The following GABBR2 variants were observed in gnomAD, a reference collection of about 807,000 sequenced individuals.
GABBR2 encodes the protein gamma-aminobutyric acid type B receptor subunit 2.
GABBR2 carries 23 observed loss-of-function variants against 105.6 expected under a neutral mutation model. That is an observed-to-expected ratio of 0.22 (90% CI 0.16 to 0.31). The LOEUF is 0.31. GABBR2 is among the 10% of genes least tolerant of loss of function. The probability of loss-of-function intolerance (pLI) is 1.00; values close to 1 mark genes in which losing one functional copy is unlikely to be tolerated. For synonymous variants in GABBR2, 478 were observed against 499.7 expected (o/e 0.96, Z 0.58); for missense variants, 734 against 1,245.5 (o/e 0.59, Z 6.18).
Position 98,388,451 on chromosome 9 carries a change from C to T in GABBR2, c.1529+403G>A, listed in dbSNP as rs546658210. Among the ~76,000 whole-genome samples, 2 of 152,236 alleles carry T rather than the reference C, an allele frequency of 1.3e-5. No individual in the cohort carries two copies. Among genetic ancestry groups the T allele is most frequent in the East Asian group, 3.9e-4 (2 of 5,172 alleles). On this transcript the variant is annotated intron_variant, in intron 10 of 18. Transcript: ENST00000259455. The surrounding 1 kb of genome is among the most constrained non-coding windows in gnomAD (Gnocchi z 4.4). Reference sequence around the variant, plus strand: ...TCCCAGCGATGCTAGGGGATAGGGGCAAAGAAGTTTGGGGTATTCTGTCTT... The same window carrying T: ...TCCCAGCGATGCTAGGGGATAGGGGTAAAGAAGTTTGGGGTATTCTGTCTT...
At chr9:98,409,754 C>T (rs531666484) in intron 7 of GABBR2, among the ~76,000 whole-genome samples, 63 of 152,308 alleles carry the variant, frequency 4.1e-4, no homozygotes, top group Admixed American at 3.5e-3. Flanking sequence ...CATGGAATCC[C>T]GAGGTCCCCT....
chr9:98,679,745 C>A (rs1830517821), intron 1 of GABBR2, among the ~76,000 whole-genome samples: 1 of 152,204 alleles, frequency 6.6e-6, no homozygotes, highest in Non-Finnish European at 1.5e-5. Context: ...TCAGAAGACC[C>A]TCATGGAGAG....
At chr9:98,471,699 C>G (rs769468058) in intron 6 of GABBR2, among the ~76,000 whole-genome samples, 1 of 152,180 alleles carries the variant, frequency 6.6e-6, no homozygotes, top group South Asian at 2.1e-4. Flanking sequence ...CATTTAGTTA[C>G]TGTACCATCT....
chr9:98,570,555 GCT>G (rs1183872580), intron 2 of GABBR2, among the ~76,000 whole-genome samples: 1 of 152,138 alleles, frequency 6.6e-6, no homozygotes, highest in East Asian at 1.9e-4. Context: ...CCTTTCCCAT[GCT>G]CTGTCTCCAT....
At chr9:98,610,390 C>T (rs898240334) in intron 1 of GABBR2, among the ~76,000 whole-genome samples, 4 of 152,202 alleles carry the variant, frequency 2.6e-5, no homozygotes, top group African/African-American at 9.6e-5. Flanking sequence ...CTTAGCACTG[C>T]GCTGGCTGAA....
intron 3 of GABBR2, among the ~76,000 whole-genome samples, chr9:98,503,456 G>T (rs1478262307): frequency 6.6e-6 from 1 of 152,212 alleles, no homozygotes; most frequent in African/African-American, 2.4e-5. Flanking sequence ...TGAGACAGTT[G>T]CTCAGGCTTC....
rs1830252797 is a variant in GABBR2 at position 98,289,481 on chromosome 9, A to T, written c.*1103T>A. 1 of 152,514 alleles carries T rather than the reference A, an allele frequency of 6.6e-6. No individual in the cohort carries two copies. The highest frequency in any genetic ancestry group is 2.1e-4 in the South Asian group (1 of 4,824). 9.4% of individuals were successfully genotyped at this position (152,514 alleles called of 1,614,324 possible). ...AATCTGCTGACTGATCACCCCAGTGATCCCAAGGGGAGAGCTCACTGGCTT... is the reference window on the plus strand; with the variant it reads ...AATCTGCTGACTGATCACCCCAGTGTTCCCAAGGGGAGAGCTCACTGGCTT... On this transcript the variant is annotated 3_prime_UTR_variant, in exon 19 of 19. Coordinates refer to ENST00000259455, the MANE Select transcript of GABBR2 (RefSeq NM_005458.8).
At chr9:98,504,332 A>G (rs980214794) in intron 3 of GABBR2, among the ~76,000 whole-genome samples, 3 of 152,208 alleles carry the variant, frequency 2.0e-5, no homozygotes, top group African/African-American at 7.2e-5. Flanking sequence ...GGGCAAGTGA[A>G]ATTCACAGCC....
At chr9:98,628,886 A>G (rs1588259525) in intron 1 of GABBR2, among the ~76,000 whole-genome samples, 1 of 151,898 alleles carries the variant, frequency 6.6e-6, no homozygotes, top group Non-Finnish European at 1.5e-5. Context: ...GCGTGCACCT[A>G]CCCCTACAGG....
chr9:98,316,665 C>G (rs908422681), intron 13 of GABBR2, among the ~76,000 whole-genome samples: 9 of 152,166 alleles, frequency 5.9e-5, no homozygotes, highest in Admixed American at 3.9e-4. Flanking sequence ...GAGGCAGCCT[C>G]AGAGAGAGAG....
intron 7 of GABBR2, among the ~76,000 whole-genome samples, chr9:98,422,039 AAAG>A (rs775520817): frequency 1.3e-5 from 2 of 152,190 alleles, no homozygotes; most frequent in Non-Finnish European, 1.5e-5. Context: ...CAATAGAATG[AAAG>A]AAGATTTTTG....
At chr9:98,539,926 AAAAAAAG>A (rs1564108757) in intron 3 of GABBR2, among the ~76,000 whole-genome samples, 1 of 151,842 alleles carries the variant, frequency 6.6e-6, no homozygotes, top group Non-Finnish European at 1.5e-5. Context: ...AAAAAAAAAA[AAAAAAAG>A]AAAAAGAAAA....
intron 2 of GABBR2, among the ~76,000 whole-genome samples, chr9:98,574,881 C>T (rs1409516071): frequency 2.0e-5 from 3 of 152,148 alleles, no homozygotes; most frequent in African/African-American, 7.2e-5. Context: ...AGGGGATTTC[C>T]CTGGGACCTC....
chr9:98,410,748 G>C (rs1264482876), intron 7 of GABBR2, among the ~76,000 whole-genome samples: 1 of 151,988 alleles, frequency 6.6e-6, no homozygotes, highest in Non-Finnish European at 1.5e-5. Flanking sequence ...TTCCAAATCT[G>C]CTCTGTGGTC....
At chr9:98,592,464 ACT>A (rs1290610294) in intron 1 of GABBR2, among the ~76,000 whole-genome samples, 1 of 152,226 alleles carries the variant, frequency 6.6e-6, no homozygotes, top group African/African-American at 2.4e-5. Flanking sequence ...TGGGGTAGAT[ACT>A]GTTATTAGCA....
At chr9:98,489,705 C>T (rs1047502692) in intron 4 of GABBR2, among the ~76,000 whole-genome samples, 37 of 152,010 alleles carry the variant, frequency 2.4e-4, no homozygotes, top group African/African-American at 6.8e-4. Flanking sequence ...CTGCCTACGG[C>T]GACCATCACA....
chr9:98,383,348 G>A (rs1832013038), intron 11 of GABBR2, among the ~76,000 whole-genome samples: 1 of 152,018 alleles, frequency 6.6e-6, no homozygotes, highest in Non-Finnish European at 1.5e-5. Flanking sequence ...TGAAGCCAGG[G>A]ACTTGCATCT....
intron 1 of GABBR2, among the ~76,000 whole-genome samples, chr9:98,705,208 T>C (rs1673004690): frequency 6.6e-6 from 1 of 152,242 alleles, no homozygotes; most frequent in South Asian, 2.1e-4. Context: ...GAGTATTTGC[T>C]GAAGCCATTT....
chr9:98,580,201 T>C (rs1828982367), intron 1 of GABBR2, among the ~76,000 whole-genome samples: 1 of 152,188 alleles, frequency 6.6e-6, no homozygotes, highest in Non-Finnish European at 1.5e-5. Flanking sequence ...CTTGCTGTTT[T>C]CTCTGCTGGG....
Sources: allele counts gnomAD v4.1 joint callset (sites outside exome capture counted in the v4.1 genomes callset), GRCh38; gene constraint gnomAD v4.1.1; non-coding constraint Gnocchi (gnomAD v3.1); transcripts MANE v1.5; gene names NCBI Gene and HGNC (gene_info 2026-07-23, HGNC 2026-07-21).